The following BCAR3 variants were observed in gnomAD, a reference collection of about 807,000 sequenced individuals.
BCAR3 encodes BCAR3 adaptor protein, NSP family member.
BCAR3 carries 37 observed loss-of-function variants against 80.1 expected under a neutral mutation model. The observed-to-expected ratio is 0.46, with a 90% CI of 0.36 to 0.61. The LOEUF is 0.61. BCAR3 is among the 20% of genes least tolerant of loss of function. The probability of loss-of-function intolerance (pLI) is 0.00; values close to 1 mark genes in which losing one functional copy is unlikely to be tolerated. For synonymous variants in BCAR3, 389 were observed against 418.9 expected (o/e 0.93, Z 0.87); for missense variants, 978 against 1,068.2 (o/e 0.92, Z 1.18).
intron 7 of BCAR3, among the ~76,000 whole-genome samples, chr1:93,577,862 T>C (rs767416717): frequency 3.3e-5 from 5 of 152,180 alleles, no homozygotes; most frequent in Admixed American, 6.5e-5. Flanking sequence ...CGGCCCCTGC[T>C]CTCCAGTCTG....
intron 3 of BCAR3, among the ~76,000 whole-genome samples, chr1:93,603,405 A>G (rs1438926368): frequency 6.6e-6 from 1 of 152,004 alleles, no homozygotes; most frequent in Non-Finnish European, 1.5e-5. Context: ...AGGGTGTCTT[A>G]CTCTTATTCA....
intron 3 of BCAR3, among the ~76,000 whole-genome samples, chr1:93,593,368 T>A (rs77222468): frequency 0.043 from 6,584 of 152,232 alleles, 230 homozygotes; most frequent in East Asian, 0.14. Flanking sequence ...TTATTTATTT[T>A]ATTTTTTTTG....
At chr1:93,773,345 T>C (rs988781356) in intron 2 of BCAR3, among the ~76,000 whole-genome samples, 1 of 152,210 alleles carries the variant, frequency 6.6e-6, no homozygotes, top group Non-Finnish European at 1.5e-5. Flanking sequence ...TACAAGCTAA[T>C]GAATGCTTAA....
chr1:93,652,744 C>T (rs1000190250), intron 2 of BCAR3, among the ~76,000 whole-genome samples: 2 of 152,114 alleles, frequency 1.3e-5, no homozygotes, highest in African/African-American at 2.4e-5. Context: ...GCAGGCACCT[C>T]GGCCCCTCCT....
rs535725538 is a variant in BCAR3 at position 93,846,840 on chromosome 1, G to GC, written c.-209+229dup. 518 of 473,946 alleles carry GC rather than the reference G, an allele frequency of 1.1e-3. 1 individual carries two copies. Among genetic ancestry groups the GC allele is most frequent in the African/African-American group, 0.01 (482 of 48,136 alleles). 29.4% of individuals were successfully genotyped at this position (473,946 alleles called of 1,614,324 possible). ...AGGATGCTGCGGCGCGGGGCGCGTC[G>GC]CCCCCCTCAGTCCACCAGAGCCCGG... is the stretch of plus-strand genomic sequence containing the variant. On this transcript the variant is annotated intron_variant, in intron 1 of 13. Coordinates refer to the BCAR3 transcript ENST00000370244.
At chr1:93,582,043 CCT>C (rs1673728709) in intron 7 of BCAR3, among the ~76,000 whole-genome samples, 1 of 152,214 alleles carries the variant, frequency 6.6e-6, no homozygotes, top group African/African-American at 2.4e-5. Flanking sequence ...GCCTGCCATC[CCT>C]CTGTCTGAGA....
intron 2 of BCAR3, among the ~76,000 whole-genome samples, chr1:93,813,239 T>C (rs1653906609): frequency 6.6e-6 from 1 of 152,080 alleles, no homozygotes. Flanking sequence ...GCAAAGGCCG[T>C]CTCATAGGTC....
At chr1:93,596,110 T>G (rs1320176839) in intron 3 of BCAR3, among the ~76,000 whole-genome samples, 1 of 152,236 alleles carries the variant, frequency 6.6e-6, no homozygotes, top group Non-Finnish European at 1.5e-5. Flanking sequence ...GTCCTCTAAT[T>G]GATCTAAGTT....
chr1:93,629,494 C>A (rs11579004), intron 3 of BCAR3, among the ~76,000 whole-genome samples: 20,847 of 152,162 alleles, frequency 0.14, 1,531 homozygotes, highest in African/African-American at 0.18. Flanking sequence ...AATAAAATTC[C>A]TTGACAATTT....
At chr1:93,571,882 G>C (rs1460376678) in intron 8 of BCAR3, 41 bp from the exon 9 acceptor site, 1 of 1,578,576 alleles carries the variant, frequency 6.3e-7, no homozygotes, top group Non-Finnish European at 8.6e-7. Context: ...AGGGCCAATG[G>C]GACTAGGAGA....
intron 3 of BCAR3, among the ~76,000 whole-genome samples, chr1:93,610,834 C>T (rs1316341753): frequency 6.6e-6 from 1 of 151,920 alleles, no homozygotes; most frequent in Non-Finnish European, 1.5e-5. Context: ...GTAATCCCAG[C>T]TACTCAGGAG....
intron 2 of BCAR3, among the ~76,000 whole-genome samples, chr1:93,815,661 G>A (rs1293504296): frequency 3.9e-5 from 6 of 152,148 alleles, no homozygotes; most frequent in African/African-American, 1.4e-4. Context: ...ACCATTGCCT[G>A]ATTCATTCTG....
At chr1:93,690,772 C>A (rs1014208527) in intron 3 of BCAR3, among the ~76,000 whole-genome samples, 2 of 152,174 alleles carry the variant, frequency 1.3e-5, no homozygotes, top group African/African-American at 2.4e-5. Context: ...GTGCCAGGCA[C>A]TTAGTGAGCA....
At position 93,641,603 on chromosome 1, in the gene BCAR3, C is replaced by T. The variant is rs143047935; in HGVS notation, c.357+701G>A. Among the ~76,000 whole-genome samples the T allele has an allele frequency of 6.2e-3, 937 of 152,228 alleles. 12 individuals are homozygous for T. Among genetic ancestry groups the T allele is most frequent in the African/African-American group, 0.022 (897 of 41,528 alleles). ...TGAAAAGCATCTTTTCTTCCTGCTCCGAAGAAATACATTATTTAGAAGGGT... is the reference window on the plus strand; with the variant it reads ...TGAAAAGCATCTTTTCTTCCTGCTCTGAAGAAATACATTATTTAGAAGGGT... On this transcript the variant is annotated intron_variant, in intron 3 of 11. Transcript: ENST00000260502.
intron 3 of BCAR3, among the ~76,000 whole-genome samples, chr1:93,609,813 C>T (rs1325204029): frequency 2.6e-5 from 4 of 152,196 alleles, no homozygotes; most frequent in Admixed American, 6.5e-5. Context: ...CCTCTCTCCA[C>T]GAAGAAGGCC....
At chr1:93,733,342 C>G (rs1164468387) in intron 2 of BCAR3, among the ~76,000 whole-genome samples, 1 of 152,154 alleles carries the variant, frequency 6.6e-6, no homozygotes, top group African/African-American at 2.4e-5. Flanking sequence ...TATGTCCCCC[C>G]ACCCCCCGAC....
intron 3 of BCAR3, among the ~76,000 whole-genome samples, chr1:93,635,601 G>C (rs577342348): frequency 5.9e-5 from 9 of 152,324 alleles, no homozygotes; most frequent in East Asian, 5.8e-4. Flanking sequence ...TTGGATGGGA[G>C]CTCCCTTTCG....
intron 2 of BCAR3, among the ~76,000 whole-genome samples, chr1:93,716,338 C>G (rs1650189499): frequency 6.6e-6 from 1 of 152,232 alleles, no homozygotes; most frequent in Middle Eastern, 3.2e-3. Context: ...GTTGATGTCA[C>G]AGCACTGGCC....
intron 8 of BCAR3, among the ~76,000 whole-genome samples, chr1:93,575,178 G>C (rs750499719): frequency 6.6e-6 from 1 of 152,184 alleles, no homozygotes; most frequent in Non-Finnish European, 1.5e-5. Flanking sequence ...TGCAGAATGC[G>C]TCTGTTACCA....
Sources: gnomAD v4.1 joint callset for allele counts (sites outside exome capture counted in the v4.1 genomes callset) on GRCh38, gnomAD v4.1.1 for gene constraint, MANE v1.5 for transcripts, NCBI Gene and HGNC (gene_info 2026-07-23, HGNC 2026-07-21) for gene names.